FRMD5: variants seen among roughly 807,000 people sequenced by gnomAD.
FRMD5 encodes FERM domain-containing protein 5.
FRMD5 carries 20 observed loss-of-function variants against 69.0 expected under a neutral mutation model. The ratio of observed to expected loss-of-function variants is 0.29; its 90% CI spans 0.20 to 0.42. The LOEUF (loss-of-function observed/expected upper bound fraction) is 0.42. Ranked by LOEUF, FRMD5 falls within the 10% of genes least tolerant of loss-of-function variation. The probability of loss-of-function intolerance (pLI) is 1.00; values close to 1 mark genes in which losing one functional copy is unlikely to be tolerated. For missense variants in FRMD5, 595 were observed against 708.6 expected (o/e 0.84, Z 1.82); for synonymous variants, 271 against 260.1 (o/e 1.04, Z -0.40).
intron 4 of FRMD5, among the ~76,000 whole-genome samples, chr15:43,911,852 G>C (rs1167839533): frequency 1.3e-5 from 2 of 152,114 alleles, no homozygotes; most frequent in Non-Finnish European, 2.9e-5. Flanking sequence ...TGCTCAACAG[G>C]AAGAGGGCTG....
intron 1 of FRMD5, among the ~76,000 whole-genome samples, chr15:44,181,213 T>A (rs2615255): frequency 0.82 from 123,985 of 151,604 alleles, 54,489 homozygotes; most frequent in Non-Finnish European, 0.97. Context: ...TTTTTTTTTT[T>A]ATTATTTTTG....
chr15:43,936,811 C>T (rs2089769385), intron 1 of FRMD5, among the ~76,000 whole-genome samples: 1 of 151,696 alleles, frequency 6.6e-6, no homozygotes, highest in Non-Finnish European at 1.5e-5. Flanking sequence ...CCAGCCTCAA[C>T]TCCAGAAAGA....
chr15:43,951,978 T>C (rs2090038116), intron 1 of FRMD5, among the ~76,000 whole-genome samples: 1 of 117,100 alleles, frequency 8.5e-6, no homozygotes, highest in African/African-American at 5.4e-5. Flanking sequence ...TGTGTGTGTG[T>C]GTTGTGTGTG....
At chr15:44,074,286 T>C (rs906757539) in intron 1 of FRMD5, among the ~76,000 whole-genome samples, 4 of 152,216 alleles carry the variant, frequency 2.6e-5, no homozygotes, top group Admixed American at 6.5e-5. Context: ...AAATATCTTT[T>C]TTTTCTTTTT....
At chr15:43,908,387 T>C (rs8035689) in intron 5 of FRMD5, among the ~76,000 whole-genome samples, 132,281 of 151,082 alleles carry the variant, frequency 0.88, 59,163 homozygotes, top group East Asian at 1. Context: ...CCATGGACTC[T>C]CCATGTAGGT....
intron 1 of FRMD5, among the ~76,000 whole-genome samples, chr15:44,186,561 G>A (rs1340140661): frequency 6.6e-6 from 1 of 152,194 alleles, no homozygotes; most frequent in Non-Finnish European, 1.5e-5. Context: ...ATTTGAGTGT[G>A]CCCTAGGGCA....
At chr15:44,050,496 G>A (rs1000994246) in intron 1 of FRMD5, among the ~76,000 whole-genome samples, 34 of 150,072 alleles carry the variant, frequency 2.3e-4, no homozygotes, top group African/African-American at 8.3e-4. Context: ...AGTAGCTGGG[G>A]ACTACAGGCA....
intron 1 of FRMD5, among the ~76,000 whole-genome samples, chr15:44,134,598 G>T (rs951865512): frequency 2.0e-5 from 3 of 152,046 alleles, no homozygotes; most frequent in Admixed American, 1.3e-4. Flanking sequence ...ACAGGCGCGC[G>T]CCACTATCGT....
chr15:43,989,772 C>G, intron 1 of FRMD5: 1 of 1,005,260 alleles, frequency 9.9e-7, no homozygotes, highest in Non-Finnish European at 1.6e-6. Context: ...ACAGCACGGC[C>G]TGGATGGCCA....
At chr15:44,025,496 T>C (rs1051231243) in intron 1 of FRMD5, among the ~76,000 whole-genome samples, 4 of 152,200 alleles carry the variant, frequency 2.6e-5, no homozygotes, top group African/African-American at 4.8e-5. Flanking sequence ...TATACATCTA[T>C]GCAGTCTGCC....
At chr15:44,066,485 T>C (rs1196015238) in intron 1 of FRMD5, among the ~76,000 whole-genome samples, 2 of 151,970 alleles carry the variant, frequency 1.3e-5, no homozygotes, top group South Asian at 2.1e-4. Context: ...AGAATTTCCA[T>C]AGGAAGAACT....
chr15:43,979,811 G>C (rs2090520802), intron 1 of FRMD5, among the ~76,000 whole-genome samples: 1 of 152,152 alleles, frequency 6.6e-6, no homozygotes, highest in Non-Finnish European at 1.5e-5. Flanking sequence ...AAAAGCCTGG[G>C]AAGTGTCCCT....
At chr15:44,030,068 C>G (rs567776813) in intron 1 of FRMD5, among the ~76,000 whole-genome samples, 1 of 152,122 alleles carries the variant, frequency 6.6e-6, no homozygotes, top group Non-Finnish European at 1.5e-5. Context: ...CTCAAAGAGA[C>G]TGGAACATGG....
At chr15:44,174,457 T>C (rs752308418) in intron 1 of FRMD5, among the ~76,000 whole-genome samples, 9 of 152,234 alleles carry the variant, frequency 5.9e-5, no homozygotes, top group Non-Finnish European at 1.2e-4. Flanking sequence ...TTGTCATTTA[T>C]AACCTCTGAC....
At chr15:44,097,673 T>C (rs1179629508) in intron 1 of FRMD5, among the ~76,000 whole-genome samples, 3 of 152,150 alleles carry the variant, frequency 2.0e-5, no homozygotes, top group African/African-American at 7.2e-5. Context: ...GACTAGTAAT[T>C]TGTCTAATGT....
At chr15:44,099,605 T>C (rs1408232934) in intron 1 of FRMD5, among the ~76,000 whole-genome samples, 3 of 152,224 alleles carry the variant, frequency 2.0e-5, no homozygotes, top group Admixed American at 6.5e-5. Context: ...CATTATTCTA[T>C]TATCTGTTCC....
chr15:44,046,902 G>A (rs1257798661), intron 1 of FRMD5, among the ~76,000 whole-genome samples: 1 of 152,146 alleles, frequency 6.6e-6, no homozygotes, highest in African/African-American at 2.4e-5. Context: ...AATACCAACT[G>A]GAACCATTCT....
At chr15:43,916,231 G>A (rs561881101) in intron 4 of FRMD5, among the ~76,000 whole-genome samples, 1 of 152,326 alleles carries the variant, frequency 6.6e-6, no homozygotes, top group Non-Finnish European at 1.5e-5. Flanking sequence ...GCCTGGCCAT[G>A]GTCCTAATGC....
chr15:43,904,233 G>C (rs1347488754), intron 6 of FRMD5, among the ~76,000 whole-genome samples: 1 of 152,216 alleles, frequency 6.6e-6, no homozygotes, highest in Non-Finnish European at 1.5e-5. Flanking sequence ...ACAAGTTGAA[G>C]CTTAGTATTA....
Sources: allele counts gnomAD v4.1 joint callset (sites outside exome capture counted in the v4.1 genomes callset), GRCh38; gene constraint gnomAD v4.1.1; transcripts MANE v1.5; gene names NCBI Gene and HGNC (gene_info 2026-07-23, HGNC 2026-07-21).